Variants in KCNH8 observed in about 807,000 individuals in gnomAD.
The protein encoded by KCNH8 is voltage-gated delayed rectifier potassium channel KCNH8.
In KCNH8, 70 loss-of-function variants were observed where a neutral mutation model predicts 103.6. The ratio of observed to expected loss-of-function variants is 0.68; its 90% CI spans 0.56 to 0.82. The LOEUF (loss-of-function observed/expected upper bound fraction) is 0.82. KCNH8 is among the 40% of genes least tolerant of loss of function. KCNH8 has a pLI of 0.00. For synonymous variants in KCNH8, 498 were observed against 489.4 expected, an observed-to-expected ratio of 1.02 and a Z score of -0.23; for missense variants, 1,217 against 1,329.9, an observed-to-expected ratio of 0.92 and a Z score of 1.32.
At chr3:19,512,082 A>G (rs2068792614) in intron 12 of KCNH8, among the ~76,000 whole-genome samples, 1 of 152,190 alleles carries the variant, frequency 6.6e-6, no homozygotes, top group African/African-American at 2.4e-5. Flanking sequence ...AAGGGATTCA[A>G]TTTTCAAAAA....
At chr3:19,345,677 A>G (rs993331150) in intron 4 of KCNH8, among the ~76,000 whole-genome samples, 15 of 152,022 alleles carry the variant, frequency 9.9e-5, no homozygotes, top group African/African-American at 3.6e-4. Flanking sequence ...AAGGATTTTG[A>G]TAAAACATTA....
At chr3:19,501,486 T>C (rs541096964) in intron 11 of KCNH8, among the ~76,000 whole-genome samples, 7 of 152,262 alleles carry the variant, frequency 4.6e-5, no homozygotes, top group African/African-American at 1.7e-4. Flanking sequence ...AAGAGAATTT[T>C]AGACCAATAT....
In KCNH8 at chr3:19,533,890, G is replaced by GAAAC. The variant is rs771822316; in HGVS notation, c.3117_3120dup (p.Ser1041AsnfsTer63). Reference sequence around the variant, plus strand: ...CTCATCTTCTGTCTGCTCCTCTTCGGAAACATCTTTGCACCTAGTTCTCCC... The same window carrying GAAAC: ...CTCATCTTCTGTCTGCTCCTCTTCGGAAACAAACATCTTTGCACCTAGTTCTCCC... On this transcript the variant is annotated frameshift_variant, in exon 16 of 16. Coordinates refer to ENST00000328405, the MANE Select transcript of KCNH8 (RefSeq NM_144633.3). LOFTEE classifies it high-confidence loss of function. 2 of 1,614,096 alleles carry GAAAC rather than the reference G, an allele frequency of 1.2e-6. No homozygotes were observed. The highest frequency in any genetic ancestry group is 2.2e-5 in the South Asian group (2 of 91,084).
chr3:19,393,836 A>G (rs1274245398), intron 6 of KCNH8, among the ~76,000 whole-genome samples: 1 of 152,110 alleles, frequency 6.6e-6, no homozygotes, highest in African/African-American at 2.4e-5. Context: ...ATAATTCACA[A>G]GATTACAACT....
At chr3:19,271,585 C>T (rs2064588885) in intron 2 of KCNH8, among the ~76,000 whole-genome samples, 1 of 152,236 alleles carries the variant, frequency 6.6e-6, no homozygotes, top group South Asian at 2.1e-4. Context: ...TGAAGCATTA[C>T]ATATACAGGT....
intron 1 of KCNH8, among the ~76,000 whole-genome samples, chr3:19,176,174 G>C (rs1354815329): frequency 1.3e-5 from 2 of 152,072 alleles, no homozygotes; most frequent in Non-Finnish European, 2.9e-5. Flanking sequence ...TTTCTCTCAA[G>C]TAGATTCAGG....
At chr3:19,395,369 A>G in intron 7 of KCNH8, 58 bp downstream of exon 7, 1 of 1,198,544 alleles carries the variant, frequency 8.3e-7, no homozygotes, top group Non-Finnish European at 1.2e-6. Context: ...AAGAGTATCA[A>G]GAACTTGGAG....
chr3:19,203,393 A>G (rs963718844), intron 1 of KCNH8, among the ~76,000 whole-genome samples: 3 of 152,124 alleles, frequency 2.0e-5, no homozygotes, highest in Non-Finnish European at 4.4e-5. Flanking sequence ...CAAAAAATCT[A>G]TAAGAATGTT....
chr3:19,386,398 C>G (rs977455386), intron 5 of KCNH8, among the ~76,000 whole-genome samples: 23 of 152,016 alleles, frequency 1.5e-4, no homozygotes, highest in African/African-American at 5.6e-4. Context: ...TTTGGCAATT[C>G]TATAAACCAC....
At chr3:19,179,711 A>C (rs1310007808) in intron 1 of KCNH8, among the ~76,000 whole-genome samples, 1 of 152,190 alleles carries the variant, frequency 6.6e-6, no homozygotes, top group Non-Finnish European at 1.5e-5. Context: ...TAGGGGAAAC[A>C]GGATATTAAT....
At chr3:19,491,658 G>A (rs74816768) in intron 11 of KCNH8, among the ~76,000 whole-genome samples, 11,741 of 152,176 alleles carry the variant, frequency 0.077, 935 homozygotes, top group East Asian at 0.27. Flanking sequence ...ATATGAGTGA[G>A]CATTTCTTTT....
chr3:19,268,551 G>A (rs1367589436), intron 2 of KCNH8, among the ~76,000 whole-genome samples: 2 of 152,070 alleles, frequency 1.3e-5, no homozygotes, highest in Non-Finnish European at 2.9e-5. Context: ...TCAACTTAGT[G>A]CAGTCAAAGT....
intron 1 of KCNH8, among the ~76,000 whole-genome samples, chr3:19,151,069 A>G (rs1282431340): frequency 6.6e-6 from 1 of 151,808 alleles, no homozygotes; most frequent in Non-Finnish European, 1.5e-5. Context: ...AACTTAAAAT[A>G]CCTTAAACAA....
intron 1 of KCNH8, among the ~76,000 whole-genome samples, chr3:19,169,401 G>T (rs1311054631): frequency 6.6e-6 from 1 of 151,818 alleles, no homozygotes; most frequent in Non-Finnish European, 1.5e-5. Flanking sequence ...TGGGACTACA[G>T]GCGCCTGGCT....
chr3:19,322,754 G>A (rs1347738581), intron 3 of KCNH8, among the ~76,000 whole-genome samples: 2 of 152,122 alleles, frequency 1.3e-5, no homozygotes, highest in Non-Finnish European at 2.9e-5. Flanking sequence ...GCAAGGCCAG[G>A]GAAGCTTTCC....
intron 3 of KCNH8, among the ~76,000 whole-genome samples, chr3:19,320,326 A>G (rs1439642541): frequency 6.6e-6 from 1 of 152,058 alleles, no homozygotes; most frequent in East Asian, 1.9e-4. Flanking sequence ...ACCTTAAGGT[A>G]TGACCCTTCT....
chr3:19,369,151 T>A (rs2125114595), intron 5 of KCNH8, among the ~76,000 whole-genome samples: 1 of 152,030 alleles, frequency 6.6e-6, no homozygotes, highest in Middle Eastern at 3.4e-3. Context: ...ACAGTGGAGG[T>A]AACAGTATTT....
At chr3:19,233,324 A>G (rs1415653491) in intron 1 of KCNH8, among the ~76,000 whole-genome samples, 2 of 152,140 alleles carry the variant, frequency 1.3e-5, no homozygotes, top group Non-Finnish European at 2.9e-5. Context: ...TAATTACTGG[A>G]CAAATATTTT....
intron 11 of KCNH8, among the ~76,000 whole-genome samples, chr3:19,488,412 A>G (rs2068254830): frequency 6.6e-6 from 1 of 152,204 alleles, no homozygotes; most frequent in Non-Finnish European, 1.5e-5. Context: ...ATTTCCAGTA[A>G]TGGCGAGGTA....
Sources: allele counts gnomAD v4.1 joint callset (sites outside exome capture counted in the v4.1 genomes callset), GRCh38; gene constraint gnomAD v4.1.1; transcripts MANE v1.5; gene names NCBI Gene and HGNC (gene_info 2026-07-23, HGNC 2026-07-21).